The following TIAM1 variants were observed in gnomAD, a reference collection of about 807,000 sequenced individuals.
TIAM1 encodes the protein TIAM Rac1 associated GEF 1.
TIAM1 carries 65 observed loss-of-function variants against 163.5 expected under a neutral mutation model. The observed-to-expected ratio is 0.40, with a 90% CI of 0.33 to 0.49. The LOEUF (loss-of-function observed/expected upper bound fraction) is 0.49. Among genes scored for constraint, TIAM1 ranks in the 20% least tolerant of loss-of-function variants. The probability of loss-of-function intolerance (pLI) is 0.77; values close to 1 mark genes in which losing one functional copy is unlikely to be tolerated. For synonymous variants in TIAM1, 833 were observed against 810.1 expected (o/e 1.03, Z -0.48); for missense variants, 1,789 against 2,044.7 (o/e 0.87, Z 2.41).
intron 15 of TIAM1, among the ~76,000 whole-genome samples, chr21:31,166,781 C>G (rs551409647): frequency 1.3e-5 from 2 of 152,178 alleles, no homozygotes. Flanking sequence ...GGGGCAATGA[C>G]CTAGGTACAG....
At position 31,171,062 on chromosome 21, in the gene TIAM1, A is replaced by AAAAC. The variant is rs1555879081; in HGVS notation, c.2888-5998_2888-5997insGTTT. Among the ~76,000 whole-genome samples the AAAAC allele has an allele frequency of 2.3e-4, 28 of 119,316 alleles. 2 individuals carry two copies. Among genetic ancestry groups the AAAAC allele is most frequent in the South Asian group, 1.2e-3 (4 of 3,378 alleles). 78.3% of individuals were successfully genotyped at this position (119,316 alleles called of 152,430 possible). On this transcript the variant is annotated intron_variant, in intron 15 of 27. Transcript: ENST00000541036. ...AAAAAAAAAAAAAAAAAAAAAAAAA[A>AAAAC]TTGGGGGCCATCTGTATATGGAAAT...
In TIAM1 at chr21:31,358,480, G is replaced by A. The variant is rs544576812; in HGVS notation, c.-368-19058C>T. Among the ~76,000 whole-genome samples, 3 of 152,008 alleles carry A rather than the reference G, an allele frequency of 2.0e-5. No individual in the cohort carries two copies. The South Asian group carries it at 6.2e-4, about 32-fold the overall frequency. Reference sequence around the variant, plus strand: ...GCTTTTTCCCCTAGACTCCACAATCGAATACCGCACTGTGCACGTACACCC... The same window carrying A: ...GCTTTTTCCCCTAGACTCCACAATCAAATACCGCACTGTGCACGTACACCC... On this transcript the variant is annotated intron_variant, in intron 2 of 28. Transcript: ENST00000286827.
At chr21:31,451,720 T>C (rs11910274) in intron 2 of TIAM1, among the ~76,000 whole-genome samples, 2,714 of 22,768 alleles carry the variant, frequency 0.12, 65 homozygotes, top group East Asian at 0.25. Flanking sequence ...TGTGTGTGCG[T>C]GTGTGTGTGT....
chr21:31,287,044 C>A (rs1048834903), intron 2 of TIAM1, among the ~76,000 whole-genome samples: 5 of 152,118 alleles, frequency 3.3e-5, no homozygotes, highest in Admixed American at 1.3e-4. Context: ...AAACATAATT[C>A]TTTATTTCAT....
At chr21:31,216,712 C>T (rs2087233320) in intron 9 of TIAM1, among the ~76,000 whole-genome samples, 1 of 152,124 alleles carries the variant, frequency 6.6e-6, no homozygotes, top group Non-Finnish European at 1.5e-5. Context: ...TGCGCCCTCA[C>T]GACATACCGA....
At chr21:31,253,196 T>G (rs1569110685) in intron 4 of TIAM1, among the ~76,000 whole-genome samples, 2 of 152,226 alleles carry the variant, frequency 1.3e-5, no homozygotes, top group South Asian at 4.1e-4. Context: ...GCTCAAAGTC[T>G]TATGCATAAG....
intron 2 of TIAM1, among the ~76,000 whole-genome samples, chr21:31,431,189 G>T (rs1382027266): frequency 1.3e-5 from 2 of 152,082 alleles, no homozygotes; most frequent in Admixed American, 6.6e-5. Context: ...TGGCTCATCT[G>T]AAGACCTACC....
In TIAM1 at chr21:31,523,773, A is replaced by T. The variant is rs558813231; in HGVS notation, c.-422+35154T>A. On this transcript the variant is annotated intron_variant, in intron 1 of 28. Transcript: ENST00000286827. ...ACCCCATCTCTACTAAAAATACAAA[A>T]ATTAGCCAGGCATGGTGGCCTGTAA... is the stretch of plus-strand genomic sequence containing the variant. Among the ~76,000 whole-genome samples, 40 of 152,124 alleles carry T rather than the reference A, an allele frequency of 2.6e-4. No individual in the cohort carries two copies. In the East Asian group the frequency reaches 7.7e-3, roughly 29 times the overall value.
chr21:31,446,571 T>C (rs1434609436), intron 2 of TIAM1, among the ~76,000 whole-genome samples: 1 of 150,476 alleles, frequency 6.6e-6, no homozygotes, highest in Non-Finnish European at 1.5e-5. Flanking sequence ...CCAGGGAGAG[T>C]GATGAAGTAT....
intron 2 of TIAM1, among the ~76,000 whole-genome samples, chr21:31,437,502 C>CAAAAAAAAAAAAAAAAAA (rs778245444): frequency 2.0e-4 from 21 of 106,510 alleles, no homozygotes; most frequent in African/African-American, 6.3e-4. Flanking sequence ...GACCCTGTCT[C>CAAAAAAAAAAAAAAAAAA]AAAAAAAAAA....
At chr21:31,352,974 C>T (rs1475103968) in intron 2 of TIAM1, among the ~76,000 whole-genome samples, 2 of 151,938 alleles carry the variant, frequency 1.3e-5, no homozygotes, top group African/African-American at 4.8e-5. Flanking sequence ...GTCATATCAC[C>T]ATGATCTTCA....
chr21:31,393,546 C>A (rs981770157), intron 2 of TIAM1, among the ~76,000 whole-genome samples: 1 of 152,198 alleles, frequency 6.6e-6, no homozygotes, highest in African/African-American at 2.4e-5. Context: ...TGTGTCCAAA[C>A]TGCTGGATTC....
Position 31,213,480 on chromosome 21 carries a change from T to A in TIAM1, c.2143-8A>T, listed in dbSNP as rs1254745568. 6.2e-7 allele frequency: 1 copy of A among 1,613,394 alleles called. No individual in the cohort carries two copies. Reference sequence around the variant, plus strand: ...GGTTCCCTCTCCAAACACCTGCATATACAAAAGTACCACCTTAAAAAGGAA... The same window carrying A: ...GGTTCCCTCTCCAAACACCTGCATAAACAAAAGTACCACCTTAAAAAGGAA... On this transcript the variant is annotated splice_region_variant and splice_polypyrimidine_tract_variant and intron_variant, in intron 9 of 27. Transcript: ENST00000541036.
chr21:31,292,129 T>A (rs1010084521), intron 2 of TIAM1, among the ~76,000 whole-genome samples: 1 of 152,146 alleles, frequency 6.6e-6, no homozygotes, highest in African/African-American at 2.4e-5. Context: ...ACGAATCACT[T>A]TCTCCATCTG....
At chr21:31,410,488 T>C (rs1291474786) in intron 2 of TIAM1, among the ~76,000 whole-genome samples, 1 of 92,624 alleles carries the variant, frequency 1.1e-5, no homozygotes, top group Non-Finnish European at 2.1e-5. Context: ...TGTGTAAGAG[T>C]GTGTGTGATA....
intron 2 of TIAM1, among the ~76,000 whole-genome samples, chr21:31,310,188 G>A (rs1018052154): frequency 6.6e-6 from 1 of 152,230 alleles, no homozygotes; most frequent in Admixed American, 6.5e-5. Context: ...TGCAAGGAAT[G>A]ATGGCCACTT....
Position 31,217,659 on chromosome 21 carries a change from G to T in TIAM1, c.2036C>A (p.Thr679Asn). ...GCTCGCGGATCTGGACATGGCCTGAGTACGTCTTCTCACTCCAGTTTCACC... is the reference window on the plus strand; with the variant it reads ...GCTCGCGGATCTGGACATGGCCTGATTACGTCTTCTCACTCCAGTTTCACC... ...RTGETGVRRR[T>N]QAMSRSASKR... The change falls in exon 9 of 28, where the codon ACT (threonine) becomes AAT (asparagine). Residue 679 changes from threonine to asparagine, a missense_variant. Transcript: ENST00000541036. 6.2e-7 allele frequency: 1 copy of T among 1,613,896 alleles called. No homozygotes were observed. Among genetic ancestry groups the T allele is most frequent in the African/African-American group, 1.3e-5 (1 of 75,012 alleles).
chr21:31,300,192 T>C (rs527950452), intron 2 of TIAM1, among the ~76,000 whole-genome samples: 5 of 152,262 alleles, frequency 3.3e-5, no homozygotes, highest in African/African-American at 1.2e-4. Context: ...GGTATCTTGC[T>C]CCTGCTCCCC....
In TIAM1 at chr21:31,463,481, C is replaced by A. The variant is rs114041153; in HGVS notation, c.-369+502G>T. On this transcript the variant is annotated intron_variant, in intron 2 of 28. Coordinates refer to the TIAM1 transcript ENST00000286827. ...GTCACCTCCTAATTGGTCTCCCTGA[C>A]TTTGCTCTTGCCTCACTTCCAACAG... Among the ~76,000 whole-genome samples, 188 of 152,274 alleles carry A rather than the reference C, an allele frequency of 1.2e-3. 1 individual carries two copies. Among genetic ancestry groups the A allele is most frequent in the African/African-American group, 4.4e-3 (181 of 41,556 alleles).
Sources: gnomAD v4.1 joint callset for allele counts (sites outside exome capture counted in the v4.1 genomes callset) on GRCh38, gnomAD v4.1.1 for gene constraint, MANE v1.5 for transcripts, NCBI Gene and HGNC (gene_info 2026-07-23, HGNC 2026-07-21) for gene names.